Variants in CHCHD3 observed in about 807,000 individuals in gnomAD.
The protein encoded by CHCHD3 is MICOS complex subunit MIC19.
A neutral mutation model predicts 38.2 loss-of-function variants in CHCHD3; 20 were observed. That is an observed-to-expected ratio of 0.52 (90% CI 0.37 to 0.76). The LOEUF is 0.76. CHCHD3 is among the 30% of genes least tolerant of loss of function. CHCHD3 has a pLI of 0.00. For missense variants in CHCHD3, 245 were observed against 279.2 expected (o/e 0.88, Z 0.87); for synonymous variants, 82 against 100.0 (o/e 0.82, Z 1.07).
intron 5 of CHCHD3, among the ~76,000 whole-genome samples, chr7:132,864,152 C>T (rs1808557412): frequency 6.6e-6 from 1 of 152,190 alleles, no homozygotes; most frequent in Admixed American, 6.6e-5. Flanking sequence ...TCTCATTAAG[C>T]TTAATCATTT....
At chr7:132,853,413 G>C (rs565748644) in intron 5 of CHCHD3, among the ~76,000 whole-genome samples, 29 of 152,240 alleles carry the variant, frequency 1.9e-4, no homozygotes, top group African/African-American at 6.3e-4. Context: ...CTGAGGTCAG[G>C]AGTTCGAGAC....
intron 3 of CHCHD3, among the ~76,000 whole-genome samples, chr7:132,988,513 T>C (rs539788188): frequency 6.6e-6 from 1 of 152,286 alleles, no homozygotes; most frequent in East Asian, 1.9e-4. Flanking sequence ...ATAATGATTA[T>C]TTAGCAATAT....
chr7:132,836,726 C>T (rs1205089015), intron 6 of CHCHD3, among the ~76,000 whole-genome samples: 2 of 152,156 alleles, frequency 1.3e-5, no homozygotes, highest in African/African-American at 4.8e-5. Flanking sequence ...CCTCCTGCCT[C>T]AGCCTCTCAA....
At chr7:133,026,722 T>C (rs1813348178) in intron 2 of CHCHD3, among the ~76,000 whole-genome samples, 1 of 152,168 alleles carries the variant, frequency 6.6e-6, no homozygotes, top group Non-Finnish European at 1.5e-5. Flanking sequence ...TGATACATGC[T>C]ACAACATGAT....
intron 4 of CHCHD3, among the ~76,000 whole-genome samples, chr7:132,927,620 A>G (rs1183052200): frequency 6.6e-6 from 1 of 152,224 alleles, no homozygotes; most frequent in Non-Finnish European, 1.5e-5. Context: ...ACGCTGTTAA[A>G]ATAGCTCCAT....
chr7:132,903,386 G>A lies in CHCHD3; in HGVS notation c.370-17641C>T, dbSNP rs150655199. Among the ~76,000 whole-genome samples the A allele has an allele frequency of 7.2e-3, 1,093 of 152,230 alleles. 29 individuals are homozygous for A. The highest frequency in any genetic ancestry group is 7.0e-3 in the Non-Finnish European group (474 of 68,022). The stretch of plus-strand genomic sequence containing the variant: ...TTGGTTGGTTGAATCTGCAGATGCA[G>A]AAGCCGTGGACACAAAGGGCCAACT... On this transcript the variant is annotated intron_variant, in intron 4 of 7. Transcript: ENST00000262570.
At chr7:132,812,207 T>TTTTC (rs1563242700) in intron 6 of CHCHD3, among the ~76,000 whole-genome samples, 4 of 133,848 alleles carry the variant, frequency 3.0e-5, no homozygotes, top group African/African-American at 5.7e-5. Flanking sequence ...TTTCTTTTTT[T>TTTTC]TTTTTTTTTT....
intron 4 of CHCHD3, among the ~76,000 whole-genome samples, chr7:132,912,563 T>A (rs1012989784): frequency 1.3e-5 from 2 of 152,194 alleles, no homozygotes; most frequent in Non-Finnish European, 2.9e-5. Context: ...ACAGGATTTT[T>A]TTTTTCTTTG....
chr7:132,964,984 G>A (rs1040872026), intron 4 of CHCHD3, among the ~76,000 whole-genome samples: 2 of 151,984 alleles, frequency 1.3e-5, no homozygotes, highest in African/African-American at 4.8e-5. Flanking sequence ...CACTAAGCAA[G>A]AACACACAAG....
chr7:132,833,454 T>A (rs1324145146), intron 6 of CHCHD3, among the ~76,000 whole-genome samples: 2 of 152,196 alleles, frequency 1.3e-5, no homozygotes, highest in Non-Finnish European at 2.9e-5. Flanking sequence ...AATAACTTGA[T>A]ATGCATTGGA....
At chr7:132,894,043 G>C (rs963850053) in intron 4 of CHCHD3, among the ~76,000 whole-genome samples, 2 of 152,160 alleles carry the variant, frequency 1.3e-5, no homozygotes, top group African/African-American at 4.8e-5. Context: ...AGCCAACATT[G>C]AATAAAGACA....
chr7:132,952,247 G>A (rs1385528385), intron 4 of CHCHD3, among the ~76,000 whole-genome samples: 1 of 152,164 alleles, frequency 6.6e-6, no homozygotes, highest in Non-Finnish European at 1.5e-5. Context: ...CATTAGAATG[G>A]TGTATTTTAA....
At chr7:133,038,515 T>C (rs1813740587) in intron 2 of CHCHD3, among the ~76,000 whole-genome samples, 1 of 152,216 alleles carries the variant, frequency 6.6e-6, no homozygotes, top group Non-Finnish European at 1.5e-5. Context: ...CTTTTCACTC[T>C]AGCTTCTCAA....
At chr7:132,958,949 T>C (rs1345389911) in intron 4 of CHCHD3, among the ~76,000 whole-genome samples, 1 of 152,182 alleles carries the variant, frequency 6.6e-6, no homozygotes, top group Non-Finnish European at 1.5e-5. Context: ...CATCCAAATA[T>C]TAACCAGCAT....
At chr7:132,926,091 G>A (rs1023210013) in intron 4 of CHCHD3, among the ~76,000 whole-genome samples, 1 of 152,200 alleles carries the variant, frequency 6.6e-6, no homozygotes, top group Non-Finnish European at 1.5e-5. Context: ...AAGCCACTAC[G>A]GAGTTTCTTG....
intron 5 of CHCHD3, among the ~76,000 whole-genome samples, chr7:132,857,961 T>A (rs1280376969): frequency 1.3e-5 from 2 of 152,154 alleles, no homozygotes; most frequent in East Asian, 3.9e-4. Flanking sequence ...GGACAGTGCT[T>A]CTCCACAAGA....
In CHCHD3 at chr7:132,796,836, T is replaced by C. The variant is rs140204172; in HGVS notation, c.525-259A>G. On this transcript the variant is annotated intron_variant, in intron 6 of 7. Transcript: ENST00000262570. ...TTAGTCTGGACAATATAACCATCCC[T>C]TCCAAACCGAAACCATATCAACATG... Among the ~76,000 whole-genome samples the C allele has an allele frequency of 3.1e-3, 473 of 152,308 alleles. 1 individual carries two copies. The highest frequency in any genetic ancestry group is 0.011 in the African/African-American group (455 of 41,572).
intron 3 of CHCHD3, among the ~76,000 whole-genome samples, chr7:133,013,394 C>T (rs1812938996): frequency 6.6e-6 from 1 of 152,118 alleles, no homozygotes; most frequent in South Asian, 2.1e-4. Flanking sequence ...GTTTCGGCTA[C>T]TTCATCTACA....
At chr7:132,933,723 T>C (rs1810569553) in intron 4 of CHCHD3, among the ~76,000 whole-genome samples, 1 of 152,176 alleles carries the variant, frequency 6.6e-6, no homozygotes, top group Non-Finnish European at 1.5e-5. Flanking sequence ...AACAGAAAAC[T>C]TTATTACTCA....
Sources: gnomAD v4.1 joint callset for allele counts (sites outside exome capture counted in the v4.1 genomes callset) on GRCh38, gnomAD v4.1.1 for gene constraint, MANE v1.5 for transcripts, NCBI Gene and HGNC (gene_info 2026-07-23, HGNC 2026-07-21) for gene names.